Variants in RAD17 observed in about 807,000 individuals in gnomAD.
The protein encoded by RAD17 is RAD17 checkpoint clamp loader component.
A neutral mutation model predicts 81.5 loss-of-function variants in RAD17; 31 were observed. That is an observed-to-expected ratio of 0.38 (90% confidence interval 0.29 to 0.51). RAD17 has a LOEUF of 0.51. Ranked by LOEUF, RAD17 falls within the 20% of genes least tolerant of loss-of-function variation. The pLI, the probability that RAD17 is intolerant of heterozygous loss-of-function variation, is 0.88. For missense variants in RAD17, 681 were observed against 781.2 expected (o/e 0.87, Z 1.53); for synonymous variants, 261 against 266.2 (o/e 0.98, Z 0.19).
rs957019387 is a variant in RAD17, at chr5:69,414,661, G to C, written c.*369G>C. The C allele has an allele frequency of 5.5e-5, 15 of 271,510 alleles. No individual in the cohort carries two copies. The highest frequency in any genetic ancestry group is 1.1e-4 in the South Asian group (2 of 18,136). 16.8% of individuals were successfully genotyped at this position (271,510 alleles called of 1,614,324 possible). A position where few individuals can be genotyped will look rare whatever the true frequency, so the allele number is the denominator to read the frequency against. Reference sequence around the variant, plus strand: ...ATTCAACAGTTTAGGATGCAATTACGAGTGTAAACTGTGTGCCTTATTTAC... The same window carrying C: ...ATTCAACAGTTTAGGATGCAATTACCAGTGTAAACTGTGTGCCTTATTTAC... On this transcript the variant is annotated 3_prime_UTR_variant, in exon 19 of 19. Coordinates refer to ENST00000354868, the MANE Select transcript of RAD17 (RefSeq NM_133338.3).
intron 6 of RAD17, among the ~76,000 whole-genome samples, chr5:69,375,542 A>G (rs1462868180): frequency 6.6e-6 from 1 of 152,146 alleles, no homozygotes; most frequent in Non-Finnish European, 1.5e-5. Context: ...TATATAGAAT[A>G]TACTCATTGT....
intron 7 of RAD17, among the ~76,000 whole-genome samples, chr5:69,382,990 G>A (rs1160194753): frequency 6.6e-6 from 1 of 152,034 alleles, no homozygotes; most frequent in Admixed American, 6.6e-5. Context: ...TGCCATGTTA[G>A]CCAGTCTGGT....
At chr5:69,406,552 A>G (rs1410019822) in intron 17 of RAD17, among the ~76,000 whole-genome samples, 2 of 152,042 alleles carry the variant, frequency 1.3e-5, no homozygotes, top group East Asian at 3.9e-4. Flanking sequence ...CCCAAGCTGG[A>G]TTGTGGTGGT....
At chr5:69,393,769 C>A (rs1239543320) in intron 15 of RAD17, among the ~76,000 whole-genome samples, 1 of 151,718 alleles carries the variant, frequency 6.6e-6, no homozygotes, top group Non-Finnish European at 1.5e-5. Flanking sequence ...CAGGGTCTTA[C>A]TGTGTTGCTC....
chr5:69,413,439 T>TG (rs1561282206), intron 18 of RAD17, among the ~76,000 whole-genome samples: 1 of 152,002 alleles, frequency 6.6e-6, no homozygotes, highest in African/African-American at 2.4e-5. Flanking sequence ...ACAGTCTCAA[T>TG]GAAAAAAAAG....
rs769986727 is a variant in RAD17, at chr5:69,374,042, G to T, written c.222G>T (p.Leu74=). 1 of 1,610,882 alleles carries T rather than the reference G, an allele frequency of 6.2e-7. No individual in the cohort carries two copies. The highest frequency in any genetic ancestry group is 8.5e-7 in the Non-Finnish European group (1 of 1,177,848). The change falls in exon 5 of 19, where the codon CTG becomes CTT. Residue 74 remains leucine, a synonymous_variant. Transcript: ENST00000354868. ...IYGLENSKEY[L]SENEPWVDKY... is the part of the protein sequence containing the mutation. ...GTTTAGAAAATTCAAAAGAATATCTGTCTGAAAATGAACCATGGGTGGATA... is the reference window on the plus strand; with the variant it reads ...GTTTAGAAAATTCAAAAGAATATCTTTCTGAAAATGAACCATGGGTGGATA...
chr5:69,405,718 C>G (rs1765557711), intron 17 of RAD17, among the ~76,000 whole-genome samples: 1 of 151,626 alleles, frequency 6.6e-6, no homozygotes, highest in African/African-American at 2.4e-5. Context: ...TATGATCCAG[C>G]AGTCCCACTA....
rs980339681 is a variant in RAD17, at chr5:69,413,307, C to T, written c.1752-724C>T. 5.3e-5 allele frequency among the ~76,000 whole-genome samples: 8 copies of T among 152,038 alleles called. No homozygotes were observed. In the East Asian group the frequency reaches 1.6e-3, roughly 30 times the overall value. On this transcript the variant is annotated intron_variant, in intron 18 of 18. Coordinates refer to ENST00000354868, the MANE Select transcript of RAD17 (RefSeq NM_133338.3). ...AATACAAATTAGTTGGGCATGATGGCATGTGCCTGTAATCCCAGCTACTTG... is the reference window on the plus strand; with the variant it reads ...AATACAAATTAGTTGGGCATGATGGTATGTGCCTGTAATCCCAGCTACTTG...
Position 69,389,112 on chromosome 5 carries a change from G to A in RAD17, c.973G>A (p.Ala325Thr). The stretch of plus-strand genomic sequence containing the variant: ...GGGATGTTCTGGTGATATCAGAAGT[G>A]CAATAAACAGCCTCCAGTTTTCTTC... ...CQGCSGDIRS[A>T]INSLQFSSSK... is the part of the protein sequence containing the mutation. Residue 325 changes from alanine to threonine, a missense_variant, in exon 12 of 19, where the codon GCA (alanine) becomes ACA (threonine). By Grantham distance (58) the Ala-to-Thr change is moderately conservative. Transcript: ENST00000354868. 6.3e-7 allele frequency: 1 copy of A among 1,587,108 alleles called. No homozygotes were observed. The highest frequency in any genetic ancestry group is 8.6e-7 in the Non-Finnish European group (1 of 1,166,266).
intron 1 of RAD17, 76 bp downstream of exon 1, chr5:69,370,009 CT>C (rs1320025210): frequency 2.5e-6 from 1 of 398,452 alleles, no homozygotes; most frequent in Non-Finnish European, 4.5e-6. Context: ...TCAAGCTTTC[CT>C]GGGCTCTCGT....
chr5:69,410,992 T>TATATAC (rs1765956927), intron 18 of RAD17, among the ~76,000 whole-genome samples: 1 of 144,928 alleles, frequency 6.9e-6, no homozygotes, highest in Admixed American at 6.9e-5. Context: ...TATATATATA[T>TATATAC]ATATACTGTT....
At chr5:69,371,819 G>A (rs966942743) in intron 3 of RAD17, among the ~76,000 whole-genome samples, 1 of 152,266 alleles carries the variant, frequency 6.6e-6, no homozygotes, top group Non-Finnish European at 1.5e-5. Context: ...AGAAATATGA[G>A]TGGTAGTTGG....
chr5:69,403,579 T>C (rs115083799), intron 17 of RAD17, among the ~76,000 whole-genome samples: 1 of 152,220 alleles, frequency 6.6e-6, no homozygotes, highest in African/African-American at 2.4e-5. Flanking sequence ...AGTAGATATT[T>C]AGTCTTTAAT....
At chr5:69,369,487 A>T (rs1251981714), upstream of RAD17, 2 of 1,611,274 alleles carry the variant, frequency 1.2e-6, no homozygotes, top group Non-Finnish European at 1.7e-6. Context: ...TTCGGAAGCA[A>T]CATGGTCCCC....
intron 6 of RAD17, among the ~76,000 whole-genome samples, chr5:69,379,168 G>A (rs186220641): frequency 3.3e-5 from 5 of 152,210 alleles, no homozygotes; most frequent in East Asian, 1.9e-4. Flanking sequence ...AGCGGGTGGC[G>A]GAAGTTGCAG....
In RAD17 at chr5:69,400,053, G is replaced by A. The variant is rs759137128; in HGVS notation, c.1577G>A (p.Arg526Gln). The A allele has an allele frequency of 1.3e-5, 20 of 1,578,352 alleles. No homozygotes were observed. Among genetic ancestry groups the A allele is most frequent in the African/African-American group, 8.2e-5 (6 of 73,008 alleles). Residue 526 changes from arginine to glutamine, a missense_variant, in exon 17 of 19, where the codon CGG becomes CAG. Arg to Gln is a conservative substitution (Grantham distance 43). Coordinates refer to ENST00000354868, the MANE Select transcript of RAD17 (RefSeq NM_133338.3). Reference protein sequence around the residue: ...PQWFLINKKYRENCLAAKALF... With the variant: ...PQWFLINKKYQENCLAAKALF... ...TTTTTTTTCTTTTCTATACAGTATC[G>A]GGAAAATTGCCTGGCAGCAAAAGCA...
Position 69,377,437 on chromosome 5 carries a change from G to GTATATA in RAD17, c.351+2727_351+2728insATATAT, listed in dbSNP as rs1229779615. Reference sequence around the variant, plus strand: ...TAGGTATATGTGTGTGTGTGTGTGTGTGTATATATATATATATATATATAT... The same window carrying GTATATA: ...TAGGTATATGTGTGTGTGTGTGTGTGTATATATGTATATATATATATATATATATAT... On this transcript the variant is annotated intron_variant, in intron 6 of 18. Coordinates refer to ENST00000354868, the MANE Select transcript of RAD17 (RefSeq NM_133338.3). 1.3e-3 allele frequency among the ~76,000 whole-genome samples: 33 copies of GTATATA among 25,760 alleles called. 2 individuals are homozygous for GTATATA. The highest frequency in any genetic ancestry group is 3.2e-3 in the African/African-American group (30 of 9,240). 16.9% of individuals were successfully genotyped at this position (25,760 alleles called of 152,430 possible).
chr5:69,370,484 C>T (rs1762879869), intron 1 of RAD17, among the ~76,000 whole-genome samples: 1 of 152,050 alleles, frequency 6.6e-6, no homozygotes. Context: ...GGATTACAGG[C>T]GCCCACCACC....
At chr5:69,389,233 C>G in intron 12 of RAD17, 88 bp downstream of exon 12, 1 of 801,698 alleles carries the variant, frequency 1.2e-6, no homozygotes, top group Non-Finnish European at 1.9e-6. Context: ...TTTTAACTTA[C>G]ATTTGGTCTA....
Sources: allele counts gnomAD v4.1 joint callset (sites outside exome capture counted in the v4.1 genomes callset), GRCh38; gene constraint gnomAD v4.1.1; transcripts MANE v1.5; gene names NCBI Gene and HGNC (gene_info 2026-07-23, HGNC 2026-07-21).